Variants in VPS13B observed in about 807,000 individuals in gnomAD.
VPS13B encodes the protein intermembrane lipid transfer protein VPS13B.
VPS13B carries 285 observed loss-of-function variants against 426.4 expected under a neutral mutation model. The ratio of observed to expected loss-of-function variants is 0.67; its 90% CI spans 0.61 to 0.74. The LOEUF (loss-of-function observed/expected upper bound fraction) is 0.74, where lower values mean the gene tolerates loss of function less well. Ranked by LOEUF, VPS13B falls within the 30% of genes least tolerant of loss-of-function variation. VPS13B has a pLI of 0.00. For missense variants in VPS13B, 4,537 were observed against 4,782.6 expected (o/e 0.95, Z 1.51); for synonymous variants, 1,676 against 1,676.4 (o/e 1.00, Z 0.01).
chr8:99,436,756 T>C lies in VPS13B; in HGVS notation c.3210+5092T>C, dbSNP rs149765195. Reference sequence around the variant, plus strand: ...ATTTATTTTATCTTATTTTATTTTTTTGAGACAGAGTCTTAGTTGTCGCCC... The same window carrying C: ...ATTTATTTTATCTTATTTTATTTTTCTGAGACAGAGTCTTAGTTGTCGCCC... On this transcript the variant is annotated intron_variant, in intron 22 of 61. Coordinates refer to ENST00000357162, the MANE Select transcript of VPS13B (RefSeq NM_152564.5). Among the ~76,000 whole-genome samples the C allele has an allele frequency of 2.0e-4, 30 of 152,292 alleles. 1 individual carries two copies. In the East Asian group the frequency reaches 5.8e-3, roughly 29 times the overall value.
intron 33 of VPS13B, among the ~76,000 whole-genome samples, chr8:99,597,530 G>A (rs1467838927): frequency 6.6e-6 from 1 of 152,004 alleles, no homozygotes; most frequent in African/African-American, 2.4e-5. Flanking sequence ...GGTCAATGAG[G>A]TGTAAAGAGA....
chr8:99,321,083 G>T (rs1236718582), intron 19 of VPS13B, among the ~76,000 whole-genome samples: 1 of 152,142 alleles, frequency 6.6e-6, no homozygotes, highest in Non-Finnish European at 1.5e-5. Flanking sequence ...ACCAAAGTCA[G>T]ATTCTGGAAC....
chr8:99,113,038 C>T (rs1283631857), intron 6 of VPS13B, among the ~76,000 whole-genome samples: 2 of 151,318 alleles, frequency 1.3e-5, no homozygotes, highest in Non-Finnish European at 2.9e-5. Flanking sequence ...CCTCCTCTCC[C>T]TCTCCCCACC....
chr8:99,183,594 TAATA>T (rs984060967), intron 16 of VPS13B, among the ~76,000 whole-genome samples: 1 of 152,204 alleles, frequency 6.6e-6, no homozygotes, highest in Non-Finnish European at 1.5e-5. Flanking sequence ...AGTACTTGCC[TAATA>T]AATGTGGACT....
chr8:99,292,894 TGCTTCTTATTTA>T (rs1470732932), intron 19 of VPS13B, among the ~76,000 whole-genome samples: 1 of 152,316 alleles, frequency 6.6e-6, no homozygotes, highest in African/African-American at 2.4e-5. Flanking sequence ...TAATTATTTG[TGCTTCTTATTTA>T]GCTTCTTTTC....
In VPS13B at chr8:99,699,809, G is replaced by A. The variant is rs1722566452; in HGVS notation, c.6331G>A (p.Val2111Ile). The A allele has an allele frequency of 1.9e-6, 3 of 1,613,814 alleles. No homozygotes were observed. Among genetic ancestry groups the A allele is most frequent in the Non-Finnish European group, 2.5e-6 (3 of 1,179,908 alleles). Residue 2111 changes from valine (V) to isoleucine (I), a missense_variant, in exon 36 of 62, where the codon GTT (valine) becomes ATT (isoleucine). By Grantham distance (29) the Val-to-Ile change is conservative (BLOSUM62 3). Transcript: ENST00000357162. ...TGTTTCCTGCTTTCAAAAAATTTCT[G>A]TTCAAACTACTCAGATTGTGATCTC... Reference protein sequence around the residue: ...RAVSCFQKISVQTTQIVISME... With the variant: ...RAVSCFQKISIQTTQIVISME...
rs1397685348 is a variant in VPS13B, at chr8:99,491,413, G to T, written c.3870+9611G>T. 3.9e-5 allele frequency among the ~76,000 whole-genome samples: 6 copies of T among 152,232 alleles called. No homozygotes were observed. In the East Asian group the frequency reaches 1.2e-3, roughly 29 times the overall value. On this transcript the variant is annotated intron_variant, in intron 25 of 61. Coordinates refer to ENST00000357162, the MANE Select transcript of VPS13B (RefSeq NM_152564.5). ...CTGGATTTGAATGTTGGCCTGCTTT[G>T]CTAGACTGGGGAAGTTCTCCTGGAT...
intron 43 of VPS13B, among the ~76,000 whole-genome samples, chr8:99,802,007 G>A (rs537310942): frequency 9.2e-5 from 14 of 151,890 alleles, no homozygotes; most frequent in South Asian, 2.1e-4. Flanking sequence ...AAAATTAGTC[G>A]GGCATTATGG....
chr8:99,146,461 G>C (rs1810733087), intron 13 of VPS13B, among the ~76,000 whole-genome samples: 2 of 152,106 alleles, frequency 1.3e-5, no homozygotes, highest in African/African-American at 4.8e-5. Flanking sequence ...CCTTTATATT[G>C]GAGGGAGAAG....
At chr8:99,413,326 A>G (rs1815801792) in intron 21 of VPS13B, among the ~76,000 whole-genome samples, 1 of 151,718 alleles carries the variant, frequency 6.6e-6, no homozygotes, top group Non-Finnish European at 1.5e-5. Context: ...TTTCTTCTAG[A>G]TTTTCTAGTT....
At chr8:99,332,710 T>C (rs1018543031) in intron 19 of VPS13B, among the ~76,000 whole-genome samples, 5 of 151,682 alleles carry the variant, frequency 3.3e-5, no homozygotes, top group African/African-American at 1.2e-4. Context: ...ATTCATTTTC[T>C]TCCAGACTCT....
chr8:99,855,647 G>A (rs749199837), intron 56 of VPS13B, among the ~76,000 whole-genome samples: 5 of 152,134 alleles, frequency 3.3e-5, no homozygotes, highest in Non-Finnish European at 7.3e-5. Context: ...TTGTGAATGC[G>A]TTCCCATGTA....
At chr8:99,402,899 A>G (rs3105181) in intron 21 of VPS13B, among the ~76,000 whole-genome samples, 26,513 of 152,258 alleles carry the variant, frequency 0.17, 2,835 homozygotes, top group East Asian at 0.38. Context: ...GGCACATACA[A>G]CTACTAACCA....
rs142294384 is a variant in VPS13B at position 99,724,885 on chromosome 8, C to T, written c.7050+3838C>T. 5.3e-3 allele frequency among the ~76,000 whole-genome samples: 813 copies of T among 152,268 alleles called. 8 individuals carry two copies. Among genetic ancestry groups the T allele is most frequent in the African/African-American group, 0.018 (744 of 41,550 alleles). ...CTCTGCCAGACTGACCTTGAGAGCC[C>T]GGCATAAACTGCCCCCATCCCCCAA... On this transcript the variant is annotated intron_variant, in intron 39 of 61. Transcript: ENST00000357162.
At chr8:99,310,396 A>G (rs557956591) in intron 19 of VPS13B, among the ~76,000 whole-genome samples, 2 of 152,330 alleles carry the variant, frequency 1.3e-5, no homozygotes, top group Non-Finnish European at 2.9e-5. Context: ...TTAAGCATGA[A>G]TGCCTATTGA....
intron 19 of VPS13B, among the ~76,000 whole-genome samples, chr8:99,313,141 A>G (rs1821106946): frequency 6.6e-6 from 1 of 152,014 alleles, no homozygotes; most frequent in African/African-American, 2.4e-5. Context: ...GAGAAGTTTG[A>G]TCGTCTGAAG....
intron 29 of VPS13B, among the ~76,000 whole-genome samples, chr8:99,514,009 TAGTG>T (rs1001627281): frequency 1.3e-5 from 2 of 152,238 alleles, no homozygotes; most frequent in African/African-American, 2.4e-5. Flanking sequence ...TGGTATTTGT[TAGTG>T]AGGAATATTT....
intron 43 of VPS13B, among the ~76,000 whole-genome samples, chr8:99,789,680 G>C (rs559591211): frequency 4.6e-5 from 7 of 152,220 alleles, no homozygotes; most frequent in Non-Finnish European, 7.4e-5. Flanking sequence ...CTTTTAAGGA[G>C]TTAAGTAAAA....
intron 33 of VPS13B, among the ~76,000 whole-genome samples, chr8:99,610,158 T>G (rs906286478): frequency 1.3e-5 from 2 of 152,212 alleles, no homozygotes; most frequent in African/African-American, 4.8e-5. Context: ...AATATGCTGT[T>G]GTTTTGATCA....
Sources: allele counts gnomAD v4.1 joint callset (sites outside exome capture counted in the v4.1 genomes callset), GRCh38; gene constraint gnomAD v4.1.1; transcripts MANE v1.5; gene names NCBI Gene and HGNC (gene_info 2026-07-23, HGNC 2026-07-21).